The following PAK5 variants were observed in gnomAD, a reference collection of about 807,000 sequenced individuals.
PAK5 encodes the protein serine/threonine-protein kinase PAK 5.
In PAK5, 16 loss-of-function variants were observed where a neutral mutation model predicts 65.9. The ratio of observed to expected loss-of-function variants is 0.24; its 90% confidence interval spans 0.16 to 0.37. PAK5 has a LOEUF of 0.37. Among genes scored for constraint, PAK5 ranks in the 10% least tolerant of loss-of-function variants. PAK5 has a pLI of 1.00. For synonymous variants in PAK5, 371 were observed against 354.9 expected (o/e 1.05, Z -0.51); for missense variants, 785 against 903.9 (o/e 0.87, Z 1.69).
At position 9,787,747 on chromosome 20, in the gene PAK5, G is replaced by A. The variant is rs548568593; in HGVS notation, c.-162+51015C>T. 2.2e-3 allele frequency among the ~76,000 whole-genome samples: 327 copies of A among 151,924 alleles called. 3 individuals are homozygous for A. In the South Asian group the frequency reaches 0.025, roughly 11 times the overall value. On this transcript the variant is annotated intron_variant, in intron 1 of 9. Coordinates refer to ENST00000353224, the MANE Select transcript of PAK5 (RefSeq NM_177990.4). ...TTGATACTGCTAAGTGCAGATTTGG[G>A]AATAGATATGCAGTAGACACCATGG... is the stretch of plus-strand genomic sequence containing the variant.
At chr20:9,746,068 C>T (rs1449784343) in intron 1 of PAK5, among the ~76,000 whole-genome samples, 1 of 152,144 alleles carries the variant, frequency 6.6e-6, no homozygotes, top group African/African-American at 2.4e-5. Flanking sequence ...TCTCATCTCC[C>T]ATACAGAGAA....
chr20:9,786,810 C>T (rs2048997836), intron 1 of PAK5, among the ~76,000 whole-genome samples: 1 of 152,020 alleles, frequency 6.6e-6, no homozygotes, highest in Non-Finnish European at 1.5e-5. Flanking sequence ...CTTGTATAAT[C>T]CATCAGACTG....
intron 2 of PAK5, among the ~76,000 whole-genome samples, chr20:9,708,369 T>G (rs767767566): frequency 6.6e-6 from 1 of 152,254 alleles, no homozygotes; most frequent in South Asian, 2.1e-4. Flanking sequence ...TTCTGCAAGA[T>G]TGTGGTGATT....
chr20:9,558,007 C>CATTTATTTATGTATTT lies in PAK5; in HGVS notation c.1617-274_1617-273insAAATACATAAATAAAT, dbSNP rs1555895454. Among the ~76,000 whole-genome samples, 5 of 140,722 alleles carry CATTTATTTATGTATTT rather than the reference C, an allele frequency of 3.6e-5. No individual in the cohort carries two copies. In the East Asian group the frequency reaches 1.0e-3, roughly 30 times the overall value. 92.3% of individuals were successfully genotyped at this position (140,722 alleles called of 152,430 possible). On this transcript the variant is annotated intron_variant, in intron 6 of 9. Coordinates refer to ENST00000353224, the MANE Select transcript of PAK5 (RefSeq NM_177990.4). The stretch of plus-strand genomic sequence containing the variant: ...TCATGCAAATGCACTTCCAGGAACT[C>CATTTATTTATGTATTT]ATTTATTTATTTATTTATTTATTTA...
In PAK5 at chr20:9,564,876, T is replaced by C. The variant is rs139638331; in HGVS notation, c.1482+1017A>G. 4.9e-4 allele frequency among the ~76,000 whole-genome samples: 74 copies of C among 152,120 alleles called. 1 individual carries two copies. The highest frequency in any genetic ancestry group is 1.5e-3 in the African/African-American group (64 of 41,566). The stretch of plus-strand genomic sequence containing the variant: ...ACATGTAGCTAATAGAATACGTTAA[T>C]ATATTTTATTTTACATTAATAAAAA... On this transcript the variant is annotated intron_variant, in intron 5 of 9. Coordinates refer to ENST00000353224, the MANE Select transcript of PAK5 (RefSeq NM_177990.4).
chr20:9,668,078 T>C (rs2047443935), intron 2 of PAK5, among the ~76,000 whole-genome samples: 1 of 152,154 alleles, frequency 6.6e-6, no homozygotes, highest in South Asian at 2.1e-4. Context: ...AAGAACTATT[T>C]TCCTTAAGAA....
chr20:9,541,847 G>C (rs2045269182), intron 9 of PAK5, among the ~76,000 whole-genome samples: 1 of 152,150 alleles, frequency 6.6e-6, no homozygotes, highest in Admixed American at 6.6e-5. Context: ...ATTATCATGA[G>C]AGCTGATAGT....
intron 1 of PAK5, among the ~76,000 whole-genome samples, chr20:9,719,460 A>C (rs1424241687): frequency 1.3e-5 from 2 of 152,112 alleles, no homozygotes; most frequent in East Asian, 3.8e-4. Flanking sequence ...TTTTTGAGAC[A>C]TTTCCTTTGA....
chr20:9,624,294 A>G (rs182035767), intron 3 of PAK5, among the ~76,000 whole-genome samples: 62 of 152,282 alleles, frequency 4.1e-4, no homozygotes, highest in African/African-American at 1.5e-3. Context: ...GGTTATCAAT[A>G]TCTCAGTCAC....
At chr20:9,698,487 C>A (rs1268607669) in intron 2 of PAK5, among the ~76,000 whole-genome samples, 1 of 152,120 alleles carries the variant, frequency 6.6e-6, no homozygotes, top group Non-Finnish European at 1.5e-5. Context: ...CAATAAAAAA[C>A]AAACATTAAT....
chr20:9,711,534 T>G (rs1426773501), intron 1 of PAK5, 99 bp from the exon 2 acceptor site: 2 of 152,218 alleles, frequency 1.3e-5, no homozygotes, highest in Non-Finnish European at 2.9e-5. Flanking sequence ...TTCTCCCACA[T>G]GCAGTGCATT....
In PAK5 at chr20:9,712,550, C is replaced by T. The variant is rs113822711; in HGVS notation, c.-161-1115G>A. Among the ~76,000 whole-genome samples, 14 of 152,014 alleles carry T rather than the reference C, an allele frequency of 9.2e-5. No homozygotes were observed. The East Asian group carries it at 1.5e-3, about 17-fold the overall frequency. Reference sequence around the variant, plus strand: ...ATTCATGCAGAAACACAAAAGACTCCGAATAACTAAAGCAATGCTGAGCAG... The same window carrying T: ...ATTCATGCAGAAACACAAAAGACTCTGAATAACTAAAGCAATGCTGAGCAG... On this transcript the variant is annotated intron_variant, in intron 1 of 9. Coordinates refer to ENST00000353224, the MANE Select transcript of PAK5 (RefSeq NM_177990.4).
chr20:9,638,835 A>C (rs2047014410), intron 3 of PAK5, among the ~76,000 whole-genome samples: 1 of 151,992 alleles, frequency 6.6e-6, no homozygotes, highest in African/African-American at 2.4e-5. Flanking sequence ...GCAGATTTCC[A>C]CTCGGAACTA....
chr20:9,562,677 A>T (rs2045609128), intron 6 of PAK5, among the ~76,000 whole-genome samples: 1 of 152,194 alleles, frequency 6.6e-6, no homozygotes, highest in Admixed American at 6.5e-5. Flanking sequence ...ATGGGTATTA[A>T]TGTCCTTCTG....
intron 3 of PAK5, among the ~76,000 whole-genome samples, chr20:9,628,119 C>T (rs2046872460): frequency 6.6e-6 from 1 of 152,136 alleles, no homozygotes; most frequent in African/African-American, 2.4e-5. Flanking sequence ...ATACTTTGTA[C>T]ATGTGACCAT....
chr20:9,572,009 A>ATTT (rs1337341302), intron 4 of PAK5, among the ~76,000 whole-genome samples: 1 of 151,128 alleles, frequency 6.6e-6, no homozygotes, highest in African/African-American at 2.4e-5. Flanking sequence ...CAAGAATTGG[A>ATTT]CCAGAACATG....
At chr20:9,760,123 C>T (rs905931569) in intron 1 of PAK5, among the ~76,000 whole-genome samples, 3 of 152,144 alleles carry the variant, frequency 2.0e-5, no homozygotes, top group Non-Finnish European at 4.4e-5. Flanking sequence ...AGTGTTATAG[C>T]AACATGAGAC....
rs561178947 is a variant in PAK5 at position 9,601,770 on chromosome 20, G to T, written c.205-20840C>A. On this transcript the variant is annotated intron_variant, in intron 3 of 9. Transcript: ENST00000353224. ...CTGGTTCCTTGAGTCTTTGCCATCT[G>T]CCCTGAAAAAAACCTGACCTGGGCA... Among the ~76,000 whole-genome samples, 4 of 152,042 alleles carry T rather than the reference G, an allele frequency of 2.6e-5. No homozygotes were observed. In the East Asian group the frequency reaches 7.8e-4, roughly 29 times the overall value.
At position 9,555,608 on chromosome 20, in the gene PAK5, C is replaced by A. The variant is rs545556661; in HGVS notation, c.1743+2000G>T. 7.2e-5 allele frequency among the ~76,000 whole-genome samples: 11 copies of A among 152,290 alleles called. No individual in the cohort carries two copies. The South Asian group carries it at 2.3e-3, about 32-fold the overall frequency. On this transcript the variant is annotated intron_variant, in intron 7 of 9. Coordinates refer to ENST00000353224, the MANE Select transcript of PAK5 (RefSeq NM_177990.4). ...CCAGGGAGGATTCTTGACCTTTTCT[C>A]ATAGCTGTCCACTCATATGGAAGAT... is the stretch of plus-strand genomic sequence containing the variant.
Sources: allele counts gnomAD v4.1 joint callset (sites outside exome capture counted in the v4.1 genomes callset), GRCh38; gene constraint gnomAD v4.1.1; transcripts MANE v1.5; gene names NCBI Gene and HGNC (gene_info 2026-07-23, HGNC 2026-07-21).